NME7: variants seen among roughly 807,000 people sequenced by gnomAD.
NME7 encodes nucleoside diphosphate kinase 7.
NME7 carries 41 observed loss-of-function variants against 49.1 expected under a neutral mutation model. The observed-to-expected ratio is 0.83, with a 90% CI of 0.65 to 1.08. NME7 has a LOEUF of 1.08. NME7 is among the 50% of genes least tolerant of loss of function. The probability of loss-of-function intolerance (pLI) is 0.00; values close to 1 mark genes in which losing one functional copy is unlikely to be tolerated. For synonymous variants in NME7, 139 were observed against 150.6 expected (o/e 0.92, Z 0.56); for missense variants, 423 against 463.4 (o/e 0.91, Z 0.80).
chr1:169,359,892 A>C (rs1653597691), intron 1 of NME7, among the ~76,000 whole-genome samples: 1 of 152,192 alleles, frequency 6.6e-6, no homozygotes, highest in African/African-American at 2.4e-5. Flanking sequence ...CCAGTATCAG[A>C]AAATAAATGT....
chr1:169,183,793 C>T (rs1429731925), intron 10 of NME7, among the ~76,000 whole-genome samples: 1 of 151,558 alleles, frequency 6.6e-6, no homozygotes, highest in Non-Finnish European at 1.5e-5. Context: ...CAGAGCGAGA[C>T]TCCATCTCAG....
chr1:169,176,800 AT>A (rs1220743102), intron 10 of NME7, among the ~76,000 whole-genome samples: 1 of 152,162 alleles, frequency 6.6e-6, no homozygotes, highest in Non-Finnish European at 1.5e-5. Context: ...AGTCAGAAAA[AT>A]CTCTTAACTC....
chr1:169,300,823 A>T (rs1278139758), intron 5 of NME7, among the ~76,000 whole-genome samples: 2 of 152,168 alleles, frequency 1.3e-5, no homozygotes, highest in Non-Finnish European at 2.9e-5. Context: ...CAACAAAAAT[A>T]AGCAATGGAG....
chr1:169,190,694 A>G, intron 10 of NME7: 1 of 441,604 alleles, frequency 2.3e-6, no homozygotes, highest in South Asian at 1.6e-5. Context: ...GAGAAATTGG[A>G]GATTTGGGGG....
intron 10 of NME7, among the ~76,000 whole-genome samples, chr1:169,228,032 ATG>A (rs1647416088): frequency 7.6e-6 from 1 of 132,406 alleles, no homozygotes; most frequent in Admixed American, 8.2e-5. Context: ...ATATATAATT[ATG>A]TGTGTATACA....
Position 169,342,042 on chromosome 1 carries a change from T to C in NME7, c.4-17542A>G, listed in dbSNP as rs184377486. Among the ~76,000 whole-genome samples, 12 of 152,258 alleles carry C rather than the reference T, an allele frequency of 7.9e-5. No homozygotes were observed. The East Asian group carries it at 2.3e-3, about 29-fold the overall frequency. On this transcript the variant is annotated intron_variant, in intron 1 of 11. Coordinates refer to ENST00000367811, the MANE Select transcript of NME7 (RefSeq NM_013330.5). ...TTGGGGGACTATTGGAAAGGCATGA[T>C]TGGTTTTGAAATTTGAAAAGGACAT...
At chr1:169,203,689 A>G (rs1660606607) in intron 10 of NME7, among the ~76,000 whole-genome samples, 1 of 152,058 alleles carries the variant, frequency 6.6e-6, no homozygotes, top group Non-Finnish European at 1.5e-5. Flanking sequence ...AAAACTACAG[A>G]AGGGAGGGCA....
At chr1:169,232,312 T>C (rs1647656714) in intron 9 of NME7, among the ~76,000 whole-genome samples, 1 of 152,064 alleles carries the variant, frequency 6.6e-6, no homozygotes. Flanking sequence ...AAAGCCCTGC[T>C]GTGCAACCAT....
At chr1:169,230,840 G>A in intron 9 of NME7, 21 bp from the exon 10 acceptor site, 1 of 1,466,044 alleles carries the variant, frequency 6.8e-7, no homozygotes, top group South Asian at 1.4e-5. Context: ...TAATATAAAA[G>A]AATGAAAAGA....
chr1:169,233,475 C>T (rs1222664903), intron 9 of NME7, among the ~76,000 whole-genome samples: 2 of 152,092 alleles, frequency 1.3e-5, no homozygotes, highest in Non-Finnish European at 2.9e-5. Context: ...GAGGCCAGAC[C>T]ATGCAGGGTC....
chr1:169,308,564 T>C (rs1460155477), intron 4 of NME7, among the ~76,000 whole-genome samples: 2 of 152,208 alleles, frequency 1.3e-5, no homozygotes, highest in Non-Finnish European at 2.9e-5. Context: ...CCCTTCTTCA[T>C]CTTCCAGAAT....
chr1:169,156,554 C>T (rs1659082105), intron 11 of NME7, among the ~76,000 whole-genome samples: 1 of 152,134 alleles, frequency 6.6e-6, no homozygotes, highest in Non-Finnish European at 1.5e-5. Flanking sequence ...ATCCTAGAGT[C>T]TTCGGCAAAT....
chr1:169,332,977 G>A (rs1652315534), intron 1 of NME7, among the ~76,000 whole-genome samples: 2 of 152,098 alleles, frequency 1.3e-5, no homozygotes, highest in South Asian at 4.1e-4. Context: ...AAATAAAAGG[G>A]AATCAGTATA....
chr1:169,348,393 G>A (rs1653022153), intron 1 of NME7, among the ~76,000 whole-genome samples: 1 of 146,880 alleles, frequency 6.8e-6, no homozygotes, highest in African/African-American at 2.5e-5. Flanking sequence ...ACATTTTCAA[G>A]CTTAATCCCA....
At chr1:169,275,661 A>G (rs1354767444) in intron 7 of NME7, among the ~76,000 whole-genome samples, 1 of 129,278 alleles carries the variant, frequency 7.7e-6, no homozygotes, top group East Asian at 2.0e-4. Flanking sequence ...TCTTTCCCTA[A>G]TTGAATACCC....
intron 11 of NME7, among the ~76,000 whole-genome samples, chr1:169,155,070 A>G (rs1303920646): frequency 6.6e-6 from 1 of 152,140 alleles, no homozygotes; most frequent in Non-Finnish European, 1.5e-5. Flanking sequence ...TCAGCCTCCC[A>G]AAGTGCTGGG....
At chr1:169,225,034 G>C (rs1359231051) in intron 10 of NME7, among the ~76,000 whole-genome samples, 1 of 152,172 alleles carries the variant, frequency 6.6e-6, no homozygotes, top group Non-Finnish European at 1.5e-5. Flanking sequence ...GACAATAAGA[G>C]AAGGATATAG....
intron 11 of NME7, among the ~76,000 whole-genome samples, chr1:169,152,697 A>C (rs557416374): frequency 1.3e-5 from 2 of 152,244 alleles, no homozygotes; most frequent in African/African-American, 4.8e-5. Context: ...AGGAGAAGAA[A>C]ATTTCTGAAT....
At chr1:169,313,859 T>C (rs1194406666) in intron 3 of NME7, among the ~76,000 whole-genome samples, 1 of 152,002 alleles carries the variant, frequency 6.6e-6, no homozygotes, top group Non-Finnish European at 1.5e-5. Flanking sequence ...AATAGAAAAC[T>C]GTAAGCTACA....
Sources: allele counts gnomAD v4.1 joint callset (sites outside exome capture counted in the v4.1 genomes callset), GRCh38; gene constraint gnomAD v4.1.1; transcripts MANE v1.5; gene names NCBI Gene and HGNC (gene_info 2026-07-23, HGNC 2026-07-21).